Variants in NAALADL2 observed in about 807,000 individuals in gnomAD.
NAALADL2 encodes N-acetylated alpha-linked acidic dipeptidase like 2, also known as inactive N-acetylated-alpha-linked acidic dipeptidase-like protein 2.
In NAALADL2, 76 loss-of-function variants were observed where a neutral mutation model predicts 87.2. The ratio of observed to expected loss-of-function variants is 0.87; its 90% CI spans 0.72 to 1.05. NAALADL2 has a LOEUF of 1.05. NAALADL2 is among the 50% of genes least tolerant of loss of function. NAALADL2 has a pLI of 0.00. For synonymous variants in NAALADL2, 354 were observed against 331.0 expected, an observed-to-expected ratio of 1.07 and a Z score of -0.75; for missense variants, 1,089 against 945.8, an observed-to-expected ratio of 1.15 and a Z score of -1.99.
chr3:175,148,082 A>AATG (rs1182562076), intron 2 of NAALADL2, among the ~76,000 whole-genome samples: 16 of 83,990 alleles, frequency 1.9e-4, no homozygotes, highest in South Asian at 4.3e-4. Context: ...AAATAATAAT[A>AATG]ATGATAATGA....
intron 1 of NAALADL2, among the ~76,000 whole-genome samples, chr3:174,896,711 T>G (rs1427193418): frequency 6.6e-6 from 1 of 152,140 alleles, no homozygotes; most frequent in Non-Finnish European, 1.5e-5. Context: ...AGACTCAGAA[T>G]AGCCAAAGCT....
chr3:175,572,960 G>T (rs1004170353), intron 9 of NAALADL2, among the ~76,000 whole-genome samples: 2 of 151,808 alleles, frequency 1.3e-5, no homozygotes, highest in Admixed American at 6.6e-5. Flanking sequence ...ATGTTAGAAA[G>T]GTGCATATGT....
At chr3:175,505,783 C>A (rs564051996) in intron 9 of NAALADL2, among the ~76,000 whole-genome samples, 1 of 152,256 alleles carries the variant, frequency 6.6e-6, no homozygotes, top group Non-Finnish European at 1.5e-5. Context: ...AGAGAAAGAG[C>A]AAAGTTTGAG....
At chr3:175,586,574 G>A (rs1371446993) in intron 10 of NAALADL2, among the ~76,000 whole-genome samples, 1 of 152,182 alleles carries the variant, frequency 6.6e-6, no homozygotes, top group African/African-American at 2.4e-5. Flanking sequence ...TACAAGTGAA[G>A]AACATTTTAA....
At chr3:175,232,076 A>G (rs1461283718) in intron 2 of NAALADL2, among the ~76,000 whole-genome samples, 1 of 151,944 alleles carries the variant, frequency 6.6e-6, no homozygotes, top group Non-Finnish European at 1.5e-5. Context: ...GGCACTGTTG[A>G]CTGATCCAAG....
Position 175,809,464 on chromosome 3 carries a change from GA to G in NAALADL2, c.*6262del, listed in dbSNP as rs1456217839. ...GTGCAGGACTAATTTTTTTTTAATA[GA>G]CATCCAGAAAATAGCCTGGGCAACA... On this transcript the variant is annotated 3_prime_UTR_variant, in exon 14 of 14. Coordinates refer to ENST00000454872, the MANE Select transcript of NAALADL2 (RefSeq NM_207015.3). 1.3e-5 allele frequency: 1 copy of G among 78,036 alleles called. No homozygotes were observed. The highest frequency in any genetic ancestry group is 2.4e-5 in the Non-Finnish European group (1 of 41,626). The allele number at this position is 78,036 out of a possible 1,614,324, so 4.8% of individuals were successfully genotyped here.
In NAALADL2 at chr3:174,829,095, TTTTTGTTG is replaced by T. The variant is rs1388711018; in HGVS notation, c.-9+91352_-9+91359del. 2.1e-5 allele frequency among the ~76,000 whole-genome samples: 3 copies of T among 144,076 alleles called. No homozygotes were observed. The East Asian group carries it at 7.3e-4, about 35-fold the overall frequency. The allele number at this position is 144,076 out of a possible 152,430, so 94.5% of individuals were successfully genotyped here. A position where few individuals can be genotyped will look rare whatever the true frequency, so the allele number is the denominator to read the frequency against. On this transcript the variant is annotated intron_variant, in intron 3 of 3. Transcript: ENST00000434257. Reference sequence around the variant, plus strand: ...GAGGTTCAGGTATTACATCTGTTTTTTTTTGTTGTTGTTGTTGTTGTTGTTGTTTTTAA... The same window carrying T: ...GAGGTTCAGGTATTACATCTGTTTTTTTGTTGTTGTTGTTGTTGTTTTTAA...
chr3:174,508,439 A>G (rs1719369255), intron 1 of NAALADL2, among the ~76,000 whole-genome samples: 1 of 152,130 alleles, frequency 6.6e-6, no homozygotes, highest in African/African-American at 2.4e-5. Flanking sequence ...TTTAACTTGC[A>G]TTTCCTTAAT....
At chr3:174,522,933 CAAAAAAAAAAAA>C (rs57653560) in intron 1 of NAALADL2, among the ~76,000 whole-genome samples, 5 of 75,838 alleles carry the variant, frequency 6.6e-5, no homozygotes, top group Admixed American at 1.9e-4. Flanking sequence ...GACTCTGTCT[CAAAAAAAAAAAA>C]AAAAAAAAAA....
At chr3:174,636,384 T>C (rs554632690) in intron 2 of NAALADL2, among the ~76,000 whole-genome samples, 2 of 152,050 alleles carry the variant, frequency 1.3e-5, no homozygotes, top group Admixed American at 6.5e-5. Context: ...AAAGAAACAA[T>C]CTATAAAGTG....
chr3:174,553,237 G>A (rs1712359903), intron 2 of NAALADL2, among the ~76,000 whole-genome samples: 2 of 152,048 alleles, frequency 1.3e-5, no homozygotes, highest in Admixed American at 1.3e-4. Context: ...GTATTAAATG[G>A]CAAATGTTAT....
intron 3 of NAALADL2, among the ~76,000 whole-genome samples, chr3:174,817,130 A>G (rs956194991): frequency 3.3e-5 from 5 of 152,188 alleles, no homozygotes; most frequent in African/African-American, 1.2e-4. Flanking sequence ...CAGACATTCA[A>G]AAGGAAAATC....
intron 1 of NAALADL2, among the ~76,000 whole-genome samples, chr3:174,451,843 G>GTTTTTTTTTTTT (rs764587503): frequency 4.1e-5 from 4 of 98,088 alleles, no homozygotes; most frequent in East Asian, 3.2e-4. Context: ...GATAGTGGGA[G>GTTTTTTTTTTTT]TTTTTTTTTT....
At chr3:175,793,520 T>G (rs1442147874) in intron 13 of NAALADL2, among the ~76,000 whole-genome samples, 2 of 151,884 alleles carry the variant, frequency 1.3e-5, no homozygotes, top group Non-Finnish European at 2.9e-5. Context: ...TTACACCGTG[T>G]TAGCCAGAAT....
At chr3:175,295,638 T>C (rs1187756122) in intron 4 of NAALADL2, among the ~76,000 whole-genome samples, 1 of 151,972 alleles carries the variant, frequency 6.6e-6, no homozygotes, top group Non-Finnish European at 1.5e-5. Flanking sequence ...GTCTTCTGTG[T>C]TGCTGCCAAA....
At chr3:175,024,098 T>C (rs1751916129) in intron 1 of NAALADL2, among the ~76,000 whole-genome samples, 1 of 152,060 alleles carries the variant, frequency 6.6e-6, no homozygotes, top group Non-Finnish European at 1.5e-5. Flanking sequence ...AAAAGGATAA[T>C]GACATCAGTT....
intron 10 of NAALADL2, among the ~76,000 whole-genome samples, chr3:175,585,461 C>T (rs753762014): frequency 3.9e-5 from 6 of 152,106 alleles, no homozygotes; most frequent in African/African-American, 9.7e-5. Context: ...TAGCTTTGGC[C>T]ATTCTCAACG....
At chr3:175,504,157 A>G (rs1729942239) in intron 9 of NAALADL2, among the ~76,000 whole-genome samples, 1 of 152,184 alleles carries the variant, frequency 6.6e-6, no homozygotes. Flanking sequence ...CAGTTATCCC[A>G]ATACTTTTTA....
At chr3:175,188,382 C>T (rs1028661506) in intron 2 of NAALADL2, among the ~76,000 whole-genome samples, 1 of 152,098 alleles carries the variant, frequency 6.6e-6, no homozygotes, top group African/African-American at 2.4e-5. Flanking sequence ...GTATGACACC[C>T]CACCCCCGTG....
Sources: allele counts gnomAD v4.1 joint callset (sites outside exome capture counted in the v4.1 genomes callset), GRCh38; gene constraint gnomAD v4.1.1; transcripts MANE v1.5; gene names NCBI Gene and HGNC (gene_info 2026-07-23, HGNC 2026-07-21).